The following NPRL3 variants were observed in gnomAD, a reference collection of about 807,000 sequenced individuals.
NPRL3 encodes the protein GATOR1 complex protein NPRL3.
In NPRL3, 23 loss-of-function variants were observed where a neutral mutation model predicts 57.2. The ratio of observed to expected loss-of-function variants is 0.40; its 90% CI spans 0.29 to 0.57. The LOEUF is 0.57. NPRL3 is among the 20% of genes least tolerant of loss of function. NPRL3 has a pLI of 0.42. For missense variants in NPRL3, 691 were observed against 767.1 expected, an observed-to-expected ratio of 0.90 and a Z score of 1.17; for synonymous variants, 333 against 321.1, an observed-to-expected ratio of 1.04 and a Z score of -0.39.
In NPRL3 at chr16:89,903, C is replaced by G. The variant is rs751418986; in HGVS notation, c.1162-1G>C. 1.9e-5 allele frequency: 29 copies of G among 1,545,088 alleles called. No individual in the cohort carries two copies. The Admixed American group carries it at 5.6e-4, about 30-fold the overall frequency. On this transcript the variant is annotated splice_acceptor_variant, in intron 11 of 13. Coordinates refer to ENST00000611875, the MANE Select transcript of NPRL3 (RefSeq NM_001077350.3). LOFTEE classifies it high-confidence loss of function. ...ACACCACCATCTGGATGAGCTGGGTCTGCGGGTGGCAGCAGGTGAGGCTGG... is the reference window on the plus strand; with the variant it reads ...ACACCACCATCTGGATGAGCTGGGTGTGCGGGTGGCAGCAGGTGAGGCTGG...
chr16:130,839 G>A (rs2141981692), intron 2 of NPRL3, among the ~76,000 whole-genome samples: 1 of 152,336 alleles, frequency 6.6e-6, no homozygotes, highest in African/African-American at 2.4e-5. Context: ...AATGCATCAA[G>A]ACAGAAAGTA....
At chr16:123,794 C>A (rs929326999) in intron 3 of NPRL3, among the ~76,000 whole-genome samples, 16 of 144,034 alleles carry the variant, frequency 1.1e-4, no homozygotes, top group African/African-American at 4.1e-4. Context: ...ACTCCCCACG[C>A]TGAGAAACAG....
chr16:134,698 T>A (rs920960143), intron 2 of NPRL3, among the ~76,000 whole-genome samples: 905 of 129,866 alleles, frequency 7.0e-3, no homozygotes, highest in Non-Finnish European at 9.4e-3. Context: ...ATTATTATTT[T>A]TTTTTTTTTT....
chr16:93,786 G>C (rs1305848087), intron 9 of NPRL3, among the ~76,000 whole-genome samples: 2 of 152,110 alleles, frequency 1.3e-5, no homozygotes, highest in Non-Finnish European at 2.9e-5. Context: ...GGATGGTCTC[G>C]ATCTGACCTC....
chr16:113,651 C>T (rs1454288909), intron 5 of NPRL3, among the ~76,000 whole-genome samples: 1 of 152,204 alleles, frequency 6.6e-6, no homozygotes, highest in Admixed American at 6.5e-5. Flanking sequence ...GCCAACAGGA[C>T]TGCTGAGTCA....
intron 9 of NPRL3, 121 bp downstream of exon 9, chr16:98,024 T>G: frequency 8.0e-7 from 1 of 1,252,068 alleles, no homozygotes; most frequent in Non-Finnish European, 1.1e-6. Context: ...CACCCCATGG[T>G]GGGCTGTGCC....
chr16:126,115 G>A (rs999275708), intron 3 of NPRL3: 1 of 152,278 alleles, frequency 6.6e-6, no homozygotes, highest in Non-Finnish European at 1.5e-5. Flanking sequence ...GGGGGCTCAT[G>A]CGTGTAATCC....
At chr16:94,197 T>C (rs1898887961) in intron 9 of NPRL3, among the ~76,000 whole-genome samples, 1 of 151,882 alleles carries the variant, frequency 6.6e-6, no homozygotes, top group Non-Finnish European at 1.5e-5. Flanking sequence ...TTTGCTCTTG[T>C]GGACCCTTGA....
intron 3 of NPRL3, among the ~76,000 whole-genome samples, chr16:128,661 C>G (rs772751710): frequency 6.6e-6 from 1 of 152,088 alleles, no homozygotes; most frequent in East Asian, 1.9e-4. Flanking sequence ...CCAGCTACTC[C>G]GGAGGCTGAG....
At chr16:114,767 G>T (rs763725580) in intron 5 of NPRL3, among the ~76,000 whole-genome samples, 1 of 152,092 alleles carries the variant, frequency 6.6e-6, no homozygotes, top group Non-Finnish European at 1.5e-5. Context: ...TATCATGGCC[G>T]AAAATTAAGT....
chr16:130,569 A>C lies in NPRL3; in HGVS notation c.141T>G (p.Ala47=), dbSNP rs1382104978. 1 of 1,555,378 alleles carries C rather than the reference A, an allele frequency of 6.4e-7. No homozygotes were observed. Among genetic ancestry groups the C allele is most frequent in the South Asian group, 1.2e-5 (1 of 84,366 alleles). Residue 47 remains alanine, a synonymous_variant, in exon 3 of 14, where the codon GCT becomes GCG. Transcript: ENST00000611875. The stretch of plus-strand genomic sequence containing the variant: ...CAGCATGGTCGCCCGTGTTGCTGGC[A>C]GCGTATCTGCTACGCGGCTTACCTG... The part of the protein sequence containing the change: ...SQTSKPRSRY[A]ASNTGDHADE...
intron 9 of NPRL3, among the ~76,000 whole-genome samples, chr16:95,342 T>TACAC (rs1296717310): frequency 1.3e-3 from 72 of 55,614 alleles, no homozygotes; most frequent in South Asian, 4.1e-3. Context: ...TATATATATA[T>TACAC]ATATATATAC....
In NPRL3 at chr16:86,233, AG is replaced by A. The variant is rs1364705690; in HGVS notation, c.*471del. 2 of 181,318 alleles carry A rather than the reference AG, an allele frequency of 1.1e-5. No homozygotes were observed. Among genetic ancestry groups the A allele is most frequent in the Non-Finnish European group, 1.2e-5 (1 of 86,860 alleles). The allele number at this position is 181,318 out of a possible 1,614,324, so 11.2% of individuals were successfully genotyped here. On this transcript the variant is annotated 3_prime_UTR_variant, in exon 14 of 14. Transcript: ENST00000611875. ...CGCATGGCAGACAGAGGTGCTGGGG[AG>A]GGGGCCACAGGGCACTTCACAAATA...
At position 88,694 on chromosome 16, in the gene NPRL3, C is replaced by A; in HGVS notation, c.1544+4G>T. On this transcript the variant is annotated splice_donor_region_variant and intron_variant, in intron 13 of 13. Coordinates refer to ENST00000611875, the MANE Select transcript of NPRL3 (RefSeq NM_001077350.3). ...CCAGTCCCAACGGGTCAACCTACACCCACCTGGCAAACATGCGGAGGTCCT... is the reference window on the plus strand; with the variant it reads ...CCAGTCCCAACGGGTCAACCTACACACACCTGGCAAACATGCGGAGGTCCT... 1 of 1,605,998 alleles carries A rather than the reference C, an allele frequency of 6.2e-7. No individual in the cohort carries two copies. Among genetic ancestry groups the A allele is most frequent in the Non-Finnish European group, 8.5e-7 (1 of 1,174,048 alleles).
At chr16:132,491 A>T (rs374884685) in intron 2 of NPRL3, among the ~76,000 whole-genome samples, 1 of 152,184 alleles carries the variant, frequency 6.6e-6, no homozygotes, top group East Asian at 1.9e-4. Flanking sequence ...GTCATCCATG[A>T]GAGCTGGAAT....
chr16:131,655 G>A (rs565217350), intron 2 of NPRL3, among the ~76,000 whole-genome samples: 2 of 145,070 alleles, frequency 1.4e-5, no homozygotes, highest in South Asian at 2.2e-4. Flanking sequence ...CAAAACAATC[G>A]TTTTGCTGGA....
chr16:103,009 AACTTGAGTAAGC>A (rs1320721897), intron 7 of NPRL3, among the ~76,000 whole-genome samples: 1 of 152,172 alleles, frequency 6.6e-6, no homozygotes, highest in Non-Finnish European at 1.5e-5. Context: ...CAGGTTACTC[AACTTGAGTAAGC>A]AATAGTTAGG....
chr16:87,645 C>T (rs1395306027), intron 13 of NPRL3, among the ~76,000 whole-genome samples: 6 of 151,892 alleles, frequency 4.0e-5, no homozygotes, highest in Non-Finnish European at 5.9e-5. Context: ...CTCCTCCTCC[C>T]GCCAAGCTCC....
At chr16:122,112 CT>C (rs1182888600) in intron 3 of NPRL3, among the ~76,000 whole-genome samples, 5 of 143,168 alleles carry the variant, frequency 3.5e-5, no homozygotes, top group African/African-American at 1.3e-4. Context: ...TCTTTTCCCC[CT>C]TGAGATGGAG....
Sources: allele counts gnomAD v4.1 joint callset (sites outside exome capture counted in the v4.1 genomes callset), GRCh38; gene constraint gnomAD v4.1.1; transcripts MANE v1.5; gene names NCBI Gene and HGNC (gene_info 2026-07-23, HGNC 2026-07-21).